SLC12A7: variants seen among roughly 807,000 people sequenced by gnomAD.
The protein encoded by SLC12A7 is K-Cl cotransporter 4.
SLC12A7 carries 100 observed loss-of-function variants against 120.6 expected under a neutral mutation model. The ratio of observed to expected loss-of-function variants is 0.83; its 90% confidence interval spans 0.71 to 0.98. SLC12A7 has a LOEUF of 0.98. SLC12A7 is among the 50% of genes least tolerant of loss of function. SLC12A7 has a pLI of 0.00. For missense variants in SLC12A7, 1,373 were observed against 1,548.1 expected (o/e 0.89, Z 1.90); for synonymous variants, 760 against 678.0 (o/e 1.12, Z -1.88).
Position 1,051,967 on chromosome 5 carries a change from C to A in SLC12A7, c.*393G>T. 4.6e-6 allele frequency: 1 copy of A among 215,078 alleles called. No individual in the cohort carries two copies. The highest frequency in any genetic ancestry group is 9.2e-6 in the Non-Finnish European group (1 of 108,772). 13.3% of individuals were successfully genotyped at this position (215,078 alleles called of 1,614,324 possible). The stretch of plus-strand genomic sequence containing the variant: ...GACAGCTTCAGCTCCGGGTGCTCTT[C>A]CAAGAATGTTCTGGATGGGGTAGAA... On this transcript the variant is annotated 3_prime_UTR_variant, in exon 24 of 24. Coordinates refer to ENST00000264930, the MANE Select transcript of SLC12A7 (RefSeq NM_006598.3).
chr5:1,059,927 G>A (rs947364696), intron 21 of SLC12A7, among the ~76,000 whole-genome samples: 3 of 152,234 alleles, frequency 2.0e-5, no homozygotes, highest in Non-Finnish European at 4.4e-5. Flanking sequence ...AGCAGCCATC[G>A]TAAGCAGCTG....
intron 14 of SLC12A7, 111 bp from the exon 15 acceptor site, chr5:1,075,601 A>C: frequency 2.1e-6 from 3 of 1,428,584 alleles, no homozygotes; most frequent in Non-Finnish European, 2.8e-6. Flanking sequence ...TGTTAACACT[A>C]GGAAAACAGT....
intron 1 of SLC12A7, among the ~76,000 whole-genome samples, chr5:1,110,734 G>C (rs1742934782): frequency 6.6e-6 from 1 of 152,232 alleles, no homozygotes; most frequent in South Asian, 2.1e-4. Context: ...ACTTCACCTG[G>C]TGTTGAGCCT....
intron 13 of SLC12A7, 131 bp from the exon 14 acceptor site, chr5:1,076,367 C>T (rs1199896530): frequency 9.9e-5 from 42 of 424,312 alleles, no homozygotes; most frequent in Admixed American, 9.8e-4. Flanking sequence ...TGTCTCTGCA[C>T]GTGAGCTGAC....
the SLC12A7 span, among the ~76,000 whole-genome samples, chr5:1,141,114 C>G: frequency 6.6e-6 from 1 of 152,226 alleles, no homozygotes; most frequent in South Asian, 2.1e-4. Flanking sequence ...TGTGGCTGGG[C>G]TGCTCCCCTG....
At chr5:1,129,247 A>G in the SLC12A7 span, among the ~76,000 whole-genome samples, 1 of 152,106 alleles carries the variant, frequency 6.6e-6, no homozygotes, top group African/African-American at 2.4e-5. Flanking sequence ...GTGCATCCCC[A>G]AGGGCTGAGC....
chr5:1,074,574 T>C lies in SLC12A7; in HGVS notation c.2065A>G (p.Asn689Asp), dbSNP rs1738106053. ...RVEHGPPHTK[N>D]WRPQVLVMLN... ...GGCATGGGCGGTGCTCACCTCCAGT[T>C]CTTGGTGTGGGGGGGACCGTGCTCC... The change falls in exon 16 of 24, where the codon AAC becomes GAC. Residue 689 changes from asparagine (N) to aspartate (D), a missense_variant. Transcript: ENST00000264930. The C allele has an allele frequency of 6.2e-7, 1 of 1,611,626 alleles. No individual in the cohort carries two copies. Among genetic ancestry groups the C allele is most frequent in the East Asian group, 2.2e-5 (1 of 44,822 alleles).
chr5:1,085,879 A>G (rs1283687963), intron 6 of SLC12A7, among the ~76,000 whole-genome samples: 1 of 152,222 alleles, frequency 6.6e-6, no homozygotes, highest in African/African-American at 2.4e-5. Context: ...TGCTGCCCAG[A>G]GAGCTCGGCC....
chr5:1,126,222 G>C, the SLC12A7 span, among the ~76,000 whole-genome samples: 1 of 151,984 alleles, frequency 6.6e-6, no homozygotes, highest in Non-Finnish European at 1.5e-5. Flanking sequence ...CTGACAGCTG[G>C]GATTACAGGC....
intron 1 of SLC12A7, among the ~76,000 whole-genome samples, chr5:1,107,832 C>T (rs1561114085): frequency 6.6e-6 from 1 of 152,168 alleles, no homozygotes; most frequent in Non-Finnish European, 1.5e-5. Flanking sequence ...GCAAAGGTCT[C>T]CTCATATGAT....
the SLC12A7 span, among the ~76,000 whole-genome samples, chr5:1,132,353 C>T: frequency 7.9e-5 from 12 of 152,124 alleles, no homozygotes; most frequent in African/African-American, 2.4e-4. Context: ...CCTTGTTCAG[C>T]GCATAATGAA....
chr5:1,124,659 A>C, the SLC12A7 span, among the ~76,000 whole-genome samples: 3 of 152,068 alleles, frequency 2.0e-5, no homozygotes, highest in African/African-American at 7.2e-5. Context: ...AGCACAGGGG[A>C]GGGAGGCCCT....
intron 11 of SLC12A7, 85 bp from the exon 12 acceptor site, chr5:1,078,092 G>C: frequency 6.9e-7 from 1 of 1,447,206 alleles, no homozygotes. Flanking sequence ...CAGAGCGAGG[G>C]GCCCAGTGCA....
At position 1,083,330 on chromosome 5, in the gene SLC12A7, G is replaced by T. The variant is rs188020727; in HGVS notation, c.1129+415C>A. ...CGTCTCGGGTTCTGGAGCAGGTCTC[G>T]TGTACCCTGCCAGGGGTCCTTTTCC... On this transcript the variant is annotated intron_variant, in intron 8 of 23. Coordinates refer to ENST00000264930, the MANE Select transcript of SLC12A7 (RefSeq NM_006598.3). Among the ~76,000 whole-genome samples the T allele has an allele frequency of 3.6e-3, 554 of 152,316 alleles. 3 individuals carry two copies. Among genetic ancestry groups the T allele is most frequent in the African/African-American group, 0.012 (516 of 41,570 alleles).
chr5:1,133,261 A>T, the SLC12A7 span, among the ~76,000 whole-genome samples: 1 of 152,216 alleles, frequency 6.6e-6, no homozygotes, highest in African/African-American at 2.4e-5. Flanking sequence ...AAATTTAACC[A>T]GGCGCCCTGC....
chr5:1,150,166 T>A, the SLC12A7 span, among the ~76,000 whole-genome samples: 1 of 152,240 alleles, frequency 6.6e-6, no homozygotes, highest in Non-Finnish European at 1.5e-5. Context: ...GAACCCCTCA[T>A]CAGCTCTATG....
intron 1 of SLC12A7, among the ~76,000 whole-genome samples, chr5:1,109,281 T>C (rs1051028947): frequency 6.6e-6 from 1 of 152,028 alleles, no homozygotes; most frequent in African/African-American, 2.4e-5. Context: ...TCTACCCTGA[T>C]GTGGTCACGG....
At position 1,083,905 on chromosome 5, in the gene SLC12A7, G is replaced by A. The variant is rs1423035738; in HGVS notation, c.969C>T (p.Cys323=). 5.0e-6 allele frequency: 8 copies of A among 1,607,610 alleles called. No homozygotes were observed. Among genetic ancestry groups the A allele is most frequent in the East Asian group, 2.2e-5 (1 of 44,876 alleles). ...TGTTGTGGATGCCGTAGGCCTTGAC[G>A]CAGGCATCGAAGCTGCGCCGTGACA... ...RTLSRRSFDA[C]VKAYGIHNNS... is the part of the protein sequence containing the mutation. The change falls in exon 8 of 24, where the codon TGC becomes TGT. Residue 323 remains cysteine, a synonymous_variant. Coordinates refer to ENST00000264930, the MANE Select transcript of SLC12A7 (RefSeq NM_006598.3).
At chr5:1,125,268 A>AGTGTGTGT in the SLC12A7 span, among the ~76,000 whole-genome samples, 983 of 150,464 alleles carry the variant, frequency 6.5e-3, 11 homozygotes, top group African/African-American at 0.011. Context: ...TTTAAACGAA[A>AGTGTGTGT]GTGTGTGTGT....
Sources: allele counts gnomAD v4.1 joint callset (sites outside exome capture counted in the v4.1 genomes callset), GRCh38; gene constraint gnomAD v4.1.1; transcripts MANE v1.5; gene names NCBI Gene and HGNC (gene_info 2026-07-23, HGNC 2026-07-21).